Variants in MYRIP observed in about 807,000 individuals in gnomAD.
The protein encoded by MYRIP is myosin VIIA and Rab interacting protein, also known as rab effector MyRIP.
In MYRIP, 49 loss-of-function variants were observed where a neutral mutation model predicts 98.0. That is an observed-to-expected ratio of 0.50 (90% CI 0.40 to 0.63). MYRIP has a LOEUF of 0.63. Ranked by LOEUF, MYRIP falls within the 30% of genes least tolerant of loss-of-function variation. The pLI, the probability that MYRIP is intolerant of heterozygous loss-of-function variation, is 0.00. For synonymous variants in MYRIP, 404 were observed against 409.5 expected (o/e 0.99, Z 0.16); for missense variants, 1,004 against 1,058.2 (o/e 0.95, Z 0.71).
chr3:40,002,041 C>A (rs560284204), intron 2 of MYRIP, among the ~76,000 whole-genome samples: 40 of 152,240 alleles, frequency 2.6e-4, no homozygotes, highest in African/African-American at 9.4e-4. Context: ...AGAAGTATTG[C>A]AGTTTGTGGC....
intron 3 of MYRIP, among the ~76,000 whole-genome samples, chr3:40,143,713 G>T (rs760153800): frequency 1.9e-4 from 29 of 152,212 alleles, no homozygotes; most frequent in Non-Finnish European, 3.8e-4. Context: ...GTGACATTTT[G>T]ATATATATAC....
chr3:39,893,315 A>C (rs887075493), intron 1 of MYRIP, among the ~76,000 whole-genome samples: 9 of 152,164 alleles, frequency 5.9e-5, no homozygotes, highest in Non-Finnish European at 1.3e-4. Context: ...TTGAAGCATA[A>C]TAGGAACCTG....
intron 8 of MYRIP, among the ~76,000 whole-genome samples, chr3:40,171,156 A>G (rs550509096): frequency 1.6e-4 from 24 of 152,092 alleles, no homozygotes; most frequent in African/African-American, 5.8e-4. Context: ...ACCAAGGAGA[A>G]CCAAACAAGT....
chr3:39,938,636 A>G (rs926555800), intron 2 of MYRIP, among the ~76,000 whole-genome samples: 3 of 152,116 alleles, frequency 2.0e-5, no homozygotes, highest in Non-Finnish European at 4.4e-5. Flanking sequence ...ATTTGGTATT[A>G]TCTGTTTTAA....
chr3:40,224,684 C>G (rs1952439918), intron 11 of MYRIP, among the ~76,000 whole-genome samples: 2 of 152,100 alleles, frequency 1.3e-5, no homozygotes, highest in South Asian at 4.1e-4. Flanking sequence ...TTTTAGTCAC[C>G]ATGAAAAAAG....
chr3:39,973,882 C>G (rs1945670668), intron 2 of MYRIP, among the ~76,000 whole-genome samples: 1 of 152,174 alleles, frequency 6.6e-6, no homozygotes, highest in Non-Finnish European at 1.5e-5. Context: ...ACCAGAATCT[C>G]TGGGACGCAT....
At chr3:39,986,455 C>CTCT (rs1559549156) in intron 2 of MYRIP, among the ~76,000 whole-genome samples, 1 of 126,924 alleles carries the variant, frequency 7.9e-6, no homozygotes, top group African/African-American at 4.1e-5. Context: ...TCTCTCTCTC[C>CTCT]CTCTCTCTCT....
chr3:40,086,370 T>C (rs1361485351), intron 3 of MYRIP, among the ~76,000 whole-genome samples: 26 of 152,210 alleles, frequency 1.7e-4, no homozygotes, highest in Admixed American at 1.7e-3. Flanking sequence ...GAAAACATAC[T>C]TAATGAACTT....
rs141438710 is a variant in MYRIP, at chr3:39,831,598, A to G, written c.-31+21682A>G. Among the ~76,000 whole-genome samples, 4 of 152,294 alleles carry G rather than the reference A, an allele frequency of 2.6e-5. No homozygotes were observed. The East Asian group carries it at 7.7e-4, about 29-fold the overall frequency. ...CTGGTGCATATTTTTCAATCATGGC[A>G]CATGTCAATTTAGATATAAATTTTT... On this transcript the variant is annotated intron_variant, in intron 1 of 16. Transcript: ENST00000302541.
chr3:39,955,791 T>C (rs1047769159), intron 2 of MYRIP, among the ~76,000 whole-genome samples: 2 of 152,120 alleles, frequency 1.3e-5, no homozygotes, highest in African/African-American at 4.8e-5. Context: ...CCATCTCACA[T>C]GCAGAGACAC....
At chr3:39,868,828 G>A (rs898843087) in intron 1 of MYRIP, among the ~76,000 whole-genome samples, 1 of 152,062 alleles carries the variant, frequency 6.6e-6, no homozygotes, top group African/African-American at 2.4e-5. Context: ...TAAAATTATG[G>A]GTTGATAGTC....
intron 3 of MYRIP, among the ~76,000 whole-genome samples, chr3:40,095,307 G>A (rs896750707): frequency 2.0e-5 from 3 of 152,138 alleles, no homozygotes; most frequent in Admixed American, 2.0e-4. Context: ...AACAGGTCAT[G>A]GCATCCTTCT....
At chr3:40,035,562 T>C (rs1947361284) in intron 2 of MYRIP, among the ~76,000 whole-genome samples, 1 of 151,846 alleles carries the variant, frequency 6.6e-6, no homozygotes. Flanking sequence ...GAACTGAATA[T>C]AAGAATCAGG....
At chr3:40,134,341 C>T (rs1411356059) in intron 3 of MYRIP, among the ~76,000 whole-genome samples, 1 of 152,214 alleles carries the variant, frequency 6.6e-6, no homozygotes, top group African/African-American at 2.4e-5. Flanking sequence ...GCGGGAGGGG[C>T]GCCCACAATT....
At chr3:39,992,904 A>G (rs2125773658) in intron 2 of MYRIP, among the ~76,000 whole-genome samples, 1 of 151,974 alleles carries the variant, frequency 6.6e-6, no homozygotes, top group Middle Eastern at 3.4e-3. Flanking sequence ...AGAAACTTTC[A>G]CTTTTTCATT....
At chr3:40,030,428 T>A (rs902665553) in intron 2 of MYRIP, among the ~76,000 whole-genome samples, 1 of 152,060 alleles carries the variant, frequency 6.6e-6, no homozygotes, top group Non-Finnish European at 1.5e-5. Flanking sequence ...TAGAAAACAG[T>A]CTGGCAGTTT....
chr3:39,882,314 C>T (rs560633673), intron 1 of MYRIP, among the ~76,000 whole-genome samples: 1 of 152,174 alleles, frequency 6.6e-6, no homozygotes, highest in African/African-American at 2.4e-5. Flanking sequence ...AAATATCCTT[C>T]CCTTTTGCAT....
intron 2 of MYRIP, among the ~76,000 whole-genome samples, chr3:39,959,129 A>G (rs1038086840): frequency 1.3e-5 from 2 of 152,220 alleles, no homozygotes; most frequent in African/African-American, 4.8e-5. Flanking sequence ...CGATTCCTCA[A>G]GGACCTAGAA....
chr3:40,048,719 A>G (rs1947723787), intron 3 of MYRIP, among the ~76,000 whole-genome samples: 1 of 152,096 alleles, frequency 6.6e-6, no homozygotes, highest in Non-Finnish European at 1.5e-5. Flanking sequence ...AATTGTAATC[A>G]TTTGGTTCTT....
Sources: gnomAD v4.1 joint callset for allele counts (sites outside exome capture counted in the v4.1 genomes callset) on GRCh38, gnomAD v4.1.1 for gene constraint, MANE v1.5 for transcripts, NCBI Gene and HGNC (gene_info 2026-07-23, HGNC 2026-07-21) for gene names.